MTUS2: variants seen among roughly 807,000 people sequenced by gnomAD.
The protein encoded by MTUS2 is microtubule associated scaffold protein 2.
In MTUS2, 40 loss-of-function variants were observed where a neutral mutation model predicts 114.1. The ratio of observed to expected loss-of-function variants is 0.35; its 90% CI spans 0.27 to 0.46. MTUS2 has a LOEUF of 0.46. MTUS2 is among the 20% of genes least tolerant of loss of function. The pLI, the probability that MTUS2 is intolerant of heterozygous loss-of-function variation, is 1.00. For synonymous variants in MTUS2, 688 were observed against 672.0 expected (o/e 1.02, Z -0.37); for missense variants, 1,679 against 1,705.4 (o/e 0.98, Z 0.27).
chr13:29,419,907 G>A (rs187458011), intron 8 of MTUS2, among the ~76,000 whole-genome samples: 20 of 152,266 alleles, frequency 1.3e-4, no homozygotes, highest in Middle Eastern at 3.4e-3. Context: ...AAACTGTCAT[G>A]TACAGAAGCA....
intron 8 of MTUS2, among the ~76,000 whole-genome samples, chr13:29,419,298 C>T (rs1332369505): frequency 6.6e-6 from 1 of 152,148 alleles, no homozygotes; most frequent in Non-Finnish European, 1.5e-5. Flanking sequence ...TAGTCTTGCA[C>T]AGCATCTGCC....
At chr13:29,239,884 G>A (rs1319073620) in intron 5 of MTUS2, 1 of 152,110 alleles carries the variant, frequency 6.6e-6, no homozygotes, top group Non-Finnish European at 1.5e-5. Context: ...TAGATTCTGG[G>A]GGTAGAAACC....
intron 1 of MTUS2, among the ~76,000 whole-genome samples, chr13:28,835,723 C>A (rs1363504321): frequency 6.6e-6 from 1 of 152,132 alleles, no homozygotes; most frequent in Non-Finnish European, 1.5e-5. Flanking sequence ...TTAGTTCCCC[C>A]CAAGGCAGGT....
chr13:28,878,831 C>T (rs1457347099), intron 2 of MTUS2, among the ~76,000 whole-genome samples: 2 of 152,132 alleles, frequency 1.3e-5, no homozygotes, highest in Non-Finnish European at 2.9e-5. Context: ...ATTGCTGTTC[C>T]TCTGAGTATA....
intron 5 of MTUS2, among the ~76,000 whole-genome samples, chr13:29,164,092 T>G (rs555148806): frequency 6.6e-6 from 1 of 152,088 alleles, no homozygotes; most frequent in Non-Finnish European, 1.5e-5. Flanking sequence ...CCAGAAAGAA[T>G]TGTTGTGCGG....
At chr13:29,097,562 A>G (rs1890230158) in intron 4 of MTUS2, among the ~76,000 whole-genome samples, 1 of 152,228 alleles carries the variant, frequency 6.6e-6, no homozygotes, top group Non-Finnish European at 1.5e-5. Context: ...CTAACATGCT[A>G]AATGTCTTAG....
rs1208745017 is a variant in MTUS2 at position 29,046,267 on chromosome 13, C to T, written c.2446+12142C>T. Among the ~76,000 whole-genome samples, 12 of 110,838 alleles carry T rather than the reference C, an allele frequency of 1.1e-4. No individual in the cohort carries two copies. In the South Asian group the frequency reaches 2.9e-3, roughly 27 times the overall value. The allele number at this position is 110,838 out of a possible 152,430, so 72.7% of individuals were successfully genotyped here. ...AGCTGGGACTATAGGCGTGCACCAC[C>T]ATACCTGGCTAATTTTGTTTATTTT... On this transcript the variant is annotated intron_variant, in intron 4 of 15. Transcript: ENST00000612955.
intron 5 of MTUS2, among the ~76,000 whole-genome samples, chr13:29,103,718 G>T (rs1441196411): frequency 6.6e-6 from 1 of 152,182 alleles, no homozygotes; most frequent in Non-Finnish European, 1.5e-5. Context: ...TAGGCAATAG[G>T]AACTTTTCAG....
intron 4 of MTUS2, among the ~76,000 whole-genome samples, chr13:29,077,807 G>A (rs1255009126): frequency 6.6e-6 from 1 of 152,162 alleles, no homozygotes; most frequent in Non-Finnish European, 1.5e-5. Context: ...AAGAACGTTT[G>A]ACAATGTTGG....
intron 10 of MTUS2, chr13:29,487,421 A>G (rs1881703158): frequency 6.5e-6 from 1 of 154,930 alleles, no homozygotes; most frequent in Admixed American, 6.4e-5. Flanking sequence ...AAAAAGATAT[A>G]CTTCATAAGG....
intron 8 of MTUS2, among the ~76,000 whole-genome samples, chr13:29,412,613 G>A (rs1467693708): frequency 6.6e-6 from 1 of 152,170 alleles, no homozygotes; most frequent in South Asian, 2.1e-4. Flanking sequence ...GGAAGGACAA[G>A]TGCAGTGACT....
At position 29,389,515 on chromosome 13, in the gene MTUS2, GTA is replaced by G. The variant is rs1277271750; in HGVS notation, c.3117+30044_3117+30045del. 3.3e-4 allele frequency among the ~76,000 whole-genome samples: 24 copies of G among 71,692 alleles called. 3 individuals carry two copies. The highest frequency in any genetic ancestry group is 5.7e-4 in the South Asian group (1 of 1,764). The allele number at this position is 71,692 out of a possible 152,430, so 47.0% of individuals were successfully genotyped here. A position where few individuals can be genotyped will look rare whatever the true frequency, so the allele number is the denominator to read the frequency against. On this transcript the variant is annotated intron_variant, in intron 8 of 15. Transcript: ENST00000612955. ...TGTGTATATATGTATACACGTGTGT[GTA>G]TGTGTATATATGTATACACGTGTGT...
chr13:29,047,662 C>T (rs1162734921), intron 4 of MTUS2, among the ~76,000 whole-genome samples: 3 of 151,978 alleles, frequency 2.0e-5, no homozygotes, highest in East Asian at 1.9e-4. Context: ...TACAGGCGCC[C>T]GCCACCTCGC....
At chr13:28,825,872 G>C (rs554770729) in intron 1 of MTUS2, among the ~76,000 whole-genome samples, 1 of 152,338 alleles carries the variant, frequency 6.6e-6, no homozygotes, top group South Asian at 2.1e-4. Flanking sequence ...AGCATATGCA[G>C]CTGGCATTGG....
chr13:29,121,035 A>G (rs369511008), intron 5 of MTUS2, among the ~76,000 whole-genome samples: 62 of 152,356 alleles, frequency 4.1e-4, no homozygotes, highest in African/African-American at 1.4e-3. Flanking sequence ...AAATTTTGCC[A>G]TCTTCCTGAA....
intron 8 of MTUS2, among the ~76,000 whole-genome samples, chr13:29,423,659 T>A (rs1405207160): frequency 6.6e-6 from 1 of 152,170 alleles, no homozygotes; most frequent in Non-Finnish European, 1.5e-5. Context: ...CAAACAACAA[T>A]CTCAACAACA....
intron 4 of MTUS2, among the ~76,000 whole-genome samples, chr13:29,090,488 G>A (rs1889893365): frequency 6.6e-6 from 1 of 152,188 alleles, no homozygotes; most frequent in South Asian, 2.1e-4. Context: ...AGTGACTGGG[G>A]GAGGCTGCAA....
intron 2 of MTUS2, among the ~76,000 whole-genome samples, chr13:28,901,693 T>C (rs916750661): frequency 1.3e-5 from 2 of 152,184 alleles, no homozygotes; most frequent in Non-Finnish European, 2.9e-5. Flanking sequence ...ATCTCTGGGT[T>C]CTCTGCTGTG....
At chr13:29,445,220 T>C (rs1229960755) in intron 9 of MTUS2, among the ~76,000 whole-genome samples, 1 of 152,218 alleles carries the variant, frequency 6.6e-6, no homozygotes, top group African/African-American at 2.4e-5. Flanking sequence ...TAGTGAGTGC[T>C]GTTTTCTGAT....
Sources: gnomAD v4.1 joint callset for allele counts (sites outside exome capture counted in the v4.1 genomes callset) on GRCh38, gnomAD v4.1.1 for gene constraint, MANE v1.5 for transcripts, NCBI Gene and HGNC (gene_info 2026-07-23, HGNC 2026-07-21) for gene names.